Variants in CACNA1H observed in about 807,000 individuals in gnomAD.
CACNA1H encodes calcium voltage-gated channel subunit alpha1 H.
In CACNA1H, 149 loss-of-function variants were observed where a neutral mutation model predicts 192.5. That is an observed-to-expected ratio of 0.77 (90% CI 0.68 to 0.89). The LOEUF (loss-of-function observed/expected upper bound fraction) is 0.89, where lower values mean the gene tolerates loss of function less well. Ranked by LOEUF, CACNA1H falls within the 40% of genes least tolerant of loss-of-function variation. CACNA1H has a pLI of 0.00. For missense variants in CACNA1H, 4,257 were observed against 3,423.5 expected, an observed-to-expected ratio of 1.24 and a Z score of -6.08; for synonymous variants, 2,202 against 1,475.2, an observed-to-expected ratio of 1.49 and a Z score of -11.29.
intron 2 of CACNA1H, among the ~76,000 whole-genome samples, chr16:1,158,937 G>C (rs999815009): frequency 6.6e-6 from 1 of 152,036 alleles, no homozygotes; most frequent in African/African-American, 2.4e-5. Flanking sequence ...AGCCCGCACC[G>C]CTGGGACCGG....
chr16:1,156,771 G>A (rs896586871), intron 2 of CACNA1H, among the ~76,000 whole-genome samples: 2 of 152,052 alleles, frequency 1.3e-5, no homozygotes, highest in Non-Finnish European at 2.9e-5. Context: ...GCCTGAGCCG[G>A]GGTTCAGTCA....
In CACNA1H at chr16:1,210,481, T is replaced by C. The variant is rs8063574; in HGVS notation, c.3957T>C (p.Asp1319=). ...VTIALERPDI[D]PGSTERVFLS... is the part of the protein sequence containing the mutation. ...TCGCCCTGGAGAGGCCTGACATTGA[T>C]CCCGGCAGCACCGTGAGTCAGCCAA... The change falls in exon 19 of 35, where the codon GAT becomes GAC. Residue 1319 remains aspartate, a synonymous_variant. Coordinates refer to ENST00000348261, the MANE Select transcript of CACNA1H (RefSeq NM_021098.3). The C allele has an allele frequency of 0.83, 1,331,706 of 1,611,656 alleles. 552,564 individuals carry two copies. Among genetic ancestry groups the C allele is most frequent in the East Asian group, 1 (44,798 of 44,834 alleles).
chr16:1,202,775 C>T (rs1031404682), intron 9 of CACNA1H, among the ~76,000 whole-genome samples: 1 of 152,120 alleles, frequency 6.6e-6, no homozygotes, highest in Non-Finnish European at 1.5e-5. Context: ...CGAGAGGGAC[C>T]GTATGCTTGT....
intron 2 of CACNA1H, among the ~76,000 whole-genome samples, chr16:1,192,159 C>T (rs917599791): frequency 1.5e-4 from 23 of 152,250 alleles, no homozygotes; most frequent in Non-Finnish European, 2.5e-4. Flanking sequence ...CTAAACCAGA[C>T]GGTCCGAGAG....
rs1965370500 is a variant in CACNA1H, at chr16:1,180,643, C to G, written c.300-14329C>G. 3.5e-5 allele frequency among the ~76,000 whole-genome samples: 5 copies of G among 144,804 alleles called. No homozygotes were observed. In the South Asian group the frequency reaches 1.2e-3, roughly 35 times the overall value. The allele number at this position is 144,804 out of a possible 152,430, so 95.0% of individuals were successfully genotyped here. On this transcript the variant is annotated intron_variant, in intron 2 of 34. Transcript: ENST00000348261. The surrounding 1 kb of genome is among the most constrained non-coding windows in gnomAD (Gnocchi z 4.4). ...TGGGGAGTGGCCCACCTGGCCTTGG[C>G]TTTCCCGGGGCAGGTAGGGAGGGGC...
chr16:1,158,972 C>G (rs980337629), intron 2 of CACNA1H, among the ~76,000 whole-genome samples: 1 of 152,216 alleles, frequency 6.6e-6, no homozygotes, highest in Admixed American at 6.5e-5. Flanking sequence ...TTTCACCGTC[C>G]GTCTGTCGCC....
intron 18 of CACNA1H, 28 bp from the exon 19 acceptor site, chr16:1,210,342 C>CCCCGCAA: frequency 2.0e-6 from 2 of 999,086 alleles, no homozygotes; most frequent in Non-Finnish European, 3.0e-6. Context: ...CGCCCCGCCC[C>CCCCGCAA]ACCTCTCACC....
intron 2 of CACNA1H, among the ~76,000 whole-genome samples, chr16:1,164,358 A>C (rs1963537028): frequency 6.6e-6 from 1 of 152,070 alleles, no homozygotes; most frequent in South Asian, 2.1e-4. Context: ...TTTTGAGACA[A>C]GGTCTCACCC....
At chr16:1,193,445 C>T (rs1966789878) in intron 2 of CACNA1H, among the ~76,000 whole-genome samples, 1 of 152,258 alleles carries the variant, frequency 6.6e-6, no homozygotes, top group Non-Finnish European at 1.5e-5. Context: ...CCACCCCCAC[C>T]TCGTCCAGCA....
At position 1,211,973 on chromosome 16, in the gene CACNA1H, C is replaced by T. The variant is rs758207416; in HGVS notation, c.4594C>T (p.Leu1532=). ...TGTGCAGAACCACAACCCCTGGATG[C>T]TGCTGTACTTCATCTCCTTCCTGCT... ...QPVQNHNPWM[L]LYFISFLLIV... is the part of the protein sequence containing the mutation. The change falls in exon 25 of 35, where the codon CTG becomes TTG. Residue 1532 remains leucine (L), a synonymous_variant. Transcript: ENST00000348261. The T allele has an allele frequency of 1.2e-6, 2 of 1,613,530 alleles. No homozygotes were observed. The highest frequency in any genetic ancestry group is 1.7e-6 in the Non-Finnish European group (2 of 1,179,672).
At chr16:1,195,808 G>C in intron 4 of CACNA1H, 118 bp from the exon 5 acceptor site, 1 of 941,326 alleles carries the variant, frequency 1.1e-6, no homozygotes, top group Admixed American at 1.9e-5. Context: ...GCCAGTACAA[G>C]GTCCTCCGGG....
intron 2 of CACNA1H, among the ~76,000 whole-genome samples, chr16:1,193,157 G>A (rs933696268): frequency 1.3e-5 from 2 of 152,182 alleles, no homozygotes; most frequent in African/African-American, 2.4e-5. Context: ...GCTCCTCCCC[G>A]CCAGCCTGTT....
intron 2 of CACNA1H, among the ~76,000 whole-genome samples, chr16:1,156,691 C>T (rs1434292291): frequency 6.6e-6 from 1 of 152,164 alleles, no homozygotes; most frequent in Non-Finnish European, 1.5e-5. Flanking sequence ...GCTCAGGGAA[C>T]CCACACTCAG....
At position 1,195,042 on chromosome 16, in the gene CACNA1H, G is replaced by C. The variant is rs1273550331; in HGVS notation, c.370G>C (p.Glu124Gln). The C allele has an allele frequency of 6.2e-7, 1 of 1,611,018 alleles. No homozygotes were observed. Among genetic ancestry groups the C allele is most frequent in the East Asian group, 2.2e-5 (1 of 44,788 alleles). ...CVTLGMFRPC[E>Q]DVECGSERCN... ...GACCCTGGGCATGTTCCGGCCCTGTGAGGACGTTGAGTGCGGCTCCGAGCG... is the reference window on the plus strand; with the variant it reads ...GACCCTGGGCATGTTCCGGCCCTGTCAGGACGTTGAGTGCGGCTCCGAGCG... Residue 124 changes from glutamate to glutamine, a missense_variant, in exon 3 of 35, where the codon GAG becomes CAG. Transcript: ENST00000348261.
In CACNA1H at chr16:1,212,440, G is replaced by A. The variant is rs541208295; in HGVS notation, c.4760-71G>A. 9.0e-4 allele frequency: 1,315 copies of A among 1,467,424 alleles called. 1 individual carries two copies. Among genetic ancestry groups the A allele is most frequent in the Non-Finnish European group, 1.2e-3 (1,272 of 1,064,796 alleles). 90.9% of individuals were successfully genotyped at this position (1,467,424 alleles called of 1,614,324 possible). ...AGCCCCCGAGACACGGGGGCTGAGG[G>A]AGAGCAGGGAGGGCTCCAGGCCCGA... On this transcript the variant is annotated intron_variant, in intron 25 of 34. Coordinates refer to ENST00000348261, the MANE Select transcript of CACNA1H (RefSeq NM_021098.3).
chr16:1,195,234 G>A lies in CACNA1H; in HGVS notation c.411+151G>A, dbSNP rs9939215. On this transcript the variant is annotated intron_variant, in intron 3 of 34. Transcript: ENST00000348261. ...CAGGGCGAGGTTCACGGCGGGGCGC[G>A]AGGTGGGGCTGGGGGTGGGGCAGGG... Among the ~76,000 whole-genome samples the A allele has an allele frequency of 0.013, 1,899 of 144,520 alleles. 8 individuals carry two copies. The highest frequency in any genetic ancestry group is 0.015 in the Non-Finnish European group (1,020 of 66,024). The allele number at this position is 144,520 out of a possible 152,430, so 94.8% of individuals were successfully genotyped here.
intron 2 of CACNA1H, among the ~76,000 whole-genome samples, chr16:1,182,764 C>T (rs1440316347): frequency 2.0e-5 from 3 of 152,118 alleles, no homozygotes; most frequent in Non-Finnish European, 2.9e-5. Context: ...CGCAGCCCCC[C>T]GACGAGGCTG....
chr16:1,201,544 A>G, intron 8 of CACNA1H, 119 bp from the exon 9 acceptor site: 1 of 1,250,948 alleles, frequency 8.0e-7, no homozygotes. Context: ...ATAGCAGGGC[A>G]CCTCGCCCAC....
At position 1,202,234 on chromosome 16, in the gene CACNA1H, C is replaced by T. The variant is rs1235132149; in HGVS notation, c.1784C>T (p.Ala595Val). ...GAGAGGGCCCGGGTGGCACATGCCG[C>T]AGCCACTGCCGCTGCCAGCCTCAGA... is the stretch of plus-strand genomic sequence containing the variant. ...PQERARVAHA[A>V]ATAAASLRLA... The change falls in exon 9 of 35, where the codon GCA becomes GTA. Residue 595 changes from alanine to valine, a missense_variant. By Grantham distance (64) the Ala-to-Val change is moderately conservative. Transcript: ENST00000348261. 5 of 1,558,394 alleles carry T rather than the reference C, an allele frequency of 3.2e-6. No individual in the cohort carries two copies. The highest frequency in any genetic ancestry group is 4.3e-6 in the Non-Finnish European group (5 of 1,152,882).
Sources: allele counts gnomAD v4.1 joint callset (sites outside exome capture counted in the v4.1 genomes callset), GRCh38; gene constraint gnomAD v4.1.1; non-coding constraint Gnocchi (gnomAD v3.1); transcripts MANE v1.5; gene names NCBI Gene and HGNC (gene_info 2026-07-23, HGNC 2026-07-21).